Variants in CUL3 observed in about 807,000 individuals in gnomAD.
CUL3 encodes cullin 3.
In CUL3, 19 loss-of-function variants were observed where a neutral mutation model predicts 89.1. The ratio of observed to expected loss-of-function variants is 0.21; its 90% CI spans 0.15 to 0.31. The LOEUF (loss-of-function observed/expected upper bound fraction) is 0.31, where lower values mean the gene tolerates loss of function less well. Ranked by LOEUF, CUL3 falls within the 10% of genes least tolerant of loss-of-function variation. The pLI, the probability that CUL3 is intolerant of heterozygous loss-of-function variation, is 1.00. For synonymous variants in CUL3, 351 were observed against 308.4 expected (o/e 1.14, Z -1.45); for missense variants, 469 against 942.3 (o/e 0.50, Z 6.58).
chr2:224,488,869 T>C (rs1314562770), intron 13 of CUL3, among the ~76,000 whole-genome samples: 1 of 152,128 alleles, frequency 6.6e-6, no homozygotes, highest in African/African-American at 2.4e-5. Context: ...CTCAATAAAA[T>C]ACTGGCAAAC....
At chr2:224,501,962 A>G (rs1487643528) in intron 10 of CUL3, among the ~76,000 whole-genome samples, 2 of 152,234 alleles carry the variant, frequency 1.3e-5, no homozygotes, top group Non-Finnish European at 2.9e-5. Context: ...ATCTAAAAAT[A>G]AAAATCCAGG....
intron 14 of CUL3, chr2:224,479,337 A>C (rs1691444427): frequency 6.6e-6 from 1 of 152,074 alleles, no homozygotes; most frequent in Non-Finnish European, 1.5e-5. Flanking sequence ...CCCAAGTGTA[A>C]GATAATCAAT....
At chr2:224,516,750 G>C (rs2106228357) in intron 3 of CUL3, among the ~76,000 whole-genome samples, 1 of 146,758 alleles carries the variant, frequency 6.8e-6, no homozygotes, top group South Asian at 2.2e-4. Context: ...AGGTTCAAGT[G>C]ATTCTCCTGC....
chr2:224,497,580 A>T (rs1454988290), intron 12 of CUL3, among the ~76,000 whole-genome samples, 173 bp downstream of exon 12: 1 of 152,226 alleles, frequency 6.6e-6, no homozygotes. Flanking sequence ...AGGTGCAGTT[A>T]GCAACTGAGA....
chr2:224,583,513 A>G (rs551583998), intron 1 of CUL3, among the ~76,000 whole-genome samples: 1 of 152,370 alleles, frequency 6.6e-6, no homozygotes, highest in African/African-American at 2.4e-5. Context: ...AAAACATACT[A>G]GTAAGCTTCG....
At chr2:224,522,503 G>A (rs1693304322) in intron 3 of CUL3, among the ~76,000 whole-genome samples, 1 of 152,080 alleles carries the variant, frequency 6.6e-6, no homozygotes, top group Non-Finnish European at 1.5e-5. Context: ...ATATGATATG[G>A]TGTCAAAAAA....
chr2:224,522,070 TAAA>T (rs71062936), intron 3 of CUL3, among the ~76,000 whole-genome samples: 1 of 133,686 alleles, frequency 7.5e-6, no homozygotes, highest in African/African-American at 2.7e-5. Flanking sequence ...CATTTAAAAT[TAAA>T]AAAAAAAAAA....
intron 1 of CUL3, among the ~76,000 whole-genome samples, chr2:224,582,071 T>G (rs1409580689): frequency 6.6e-6 from 1 of 152,078 alleles, no homozygotes; most frequent in African/African-American, 2.4e-5. Flanking sequence ...TTCAAGCGAT[T>G]TTCCAGCCTT....
chr2:224,477,451 C>T (rs1014338877), intron 15 of CUL3, among the ~76,000 whole-genome samples: 1 of 152,242 alleles, frequency 6.6e-6, no homozygotes, highest in African/African-American at 2.4e-5. Flanking sequence ...ATTTAATCCA[C>T]ACCTGTAGTT....
In CUL3 at chr2:224,511,415, C is replaced by G. The variant is rs2106215155; in HGVS notation, c.822G>C (p.Lys274Asn). Residue 274 changes from lysine (K) to asparagine (N), a missense_variant, in exon 6 of 16, where the codon AAG (lysine) becomes AAC (asparagine). By Grantham distance (94) the Lys-to-Asn change is moderately conservative. This residue lies in a region of CUL3 where 370 missense variants were observed against 733.2 expected (regional missense o/e 0.50). Coordinates refer to ENST00000264414, the MANE Select transcript of CUL3 (RefSeq NM_003590.5). The part of the protein sequence containing the change: ...VERELISKHM[K>N]TIVEMENSGL... ...CAGAATTCTCCATTTCTACTATAGT[C>G]TTCATGTGCTTGGAAATGAGTTCCC... The G allele has an allele frequency of 6.2e-7, 1 of 1,613,868 alleles. No homozygotes were observed. Among genetic ancestry groups the G allele is most frequent in the Non-Finnish European group, 8.5e-7 (1 of 1,179,890 alleles).
At position 224,487,893 on chromosome 2, in the gene CUL3, C is replaced by CA. The variant is rs1236704861; in HGVS notation, c.1843-5816dup. On this transcript the variant is annotated intron_variant, in intron 13 of 15. Coordinates refer to ENST00000264414, the MANE Select transcript of CUL3 (RefSeq NM_003590.5). Reference sequence around the variant, plus strand: ...GCAAAAGAATGGAAATCGTAACAAACAGTCTCTCAGACCACAGTGGAATCA... The same window carrying CA: ...GCAAAAGAATGGAAATCGTAACAAACAAGTCTCTCAGACCACAGTGGAATCA... 2.0e-5 allele frequency among the ~76,000 whole-genome samples: 3 copies of CA among 152,204 alleles called. No individual in the cohort carries two copies. In the East Asian group the frequency reaches 5.8e-4, roughly 29 times the overall value.
rs1559337590 is a variant in CUL3 at position 224,481,903 on chromosome 2, T to C, written c.2018A>G (p.Lys673Arg). Residue 673 changes from lysine to arginine, a missense_variant, in exon 14 of 16, where the codon AAG (lysine) becomes AGG (arginine). Physicochemically the swap from Lys to Arg is conservative, Grantham distance 26. Transcript: ENST00000264414. Reference sequence around the variant, plus strand: ...ATAATTCCAGATACCTGTTTGAATCTTGACTCTGTGTAGTTTGGATGTGAA... The same window carrying C: ...ATAATTCCAGATACCTGTTTGAATCCTGACTCTGTGTAGTTTGGATGTGAA... Reference protein sequence around the residue: ...DQFTSKLHRVKIQTVAAKQGE... With the variant: ...DQFTSKLHRVRIQTVAAKQGE... The C allele has an allele frequency of 3.3e-6, 5 of 1,518,190 alleles. No homozygotes were observed. The highest frequency in any genetic ancestry group is 4.4e-6 in the Non-Finnish European group (5 of 1,133,520). The allele number at this position is 1,518,190 out of a possible 1,614,324, so 94.0% of individuals were successfully genotyped here. A position where few individuals can be genotyped will look rare whatever the true frequency, so the allele number is the denominator to read the frequency against.
chr2:224,475,586 C>G (rs1465518174), intron 15 of CUL3, among the ~76,000 whole-genome samples: 4 of 152,188 alleles, frequency 2.6e-5, no homozygotes, highest in Non-Finnish European at 4.4e-5. Context: ...CATTCTGCAA[C>G]TACAATTTAT....
intron 1 of CUL3, among the ~76,000 whole-genome samples, chr2:224,569,225 C>G (rs141060898): frequency 6.6e-6 from 1 of 152,082 alleles, no homozygotes; most frequent in Non-Finnish European, 1.5e-5. Context: ...GCAACTAATG[C>G]GTCAGCAAAA....
chr2:224,514,589 AAG>A (rs760655978), intron 4 of CUL3, 21 bp downstream of exon 4: 6 of 1,582,426 alleles, frequency 3.8e-6, no homozygotes, highest in Non-Finnish European at 5.2e-6. Flanking sequence ...CCAAAACCAC[AAG>A]AGTAAAGAGA....
At chr2:224,536,998 C>CT (rs1693924078) in intron 2 of CUL3, among the ~76,000 whole-genome samples, 1 of 152,116 alleles carries the variant, frequency 6.6e-6, no homozygotes, top group Non-Finnish European at 1.5e-5. Context: ...CTAAACAAAA[C>CT]TTTTTTATCT....
At chr2:224,478,436 A>G in intron 14 of CUL3, 91 bp from the exon 15 acceptor site, 3 of 1,284,620 alleles carry the variant, frequency 2.3e-6, no homozygotes, top group Non-Finnish European at 3.2e-6. Context: ...ATCCACAGAT[A>G]AAAACCAATT....
intron 14 of CUL3, chr2:224,479,882 G>C (rs1691469198): frequency 6.6e-6 from 1 of 152,150 alleles, no homozygotes; most frequent in Non-Finnish European, 1.5e-5. Flanking sequence ...TCTGGATGTG[G>C]TCACCTAAAT....
At chr2:224,538,271 T>A (rs1351782829) in intron 2 of CUL3, among the ~76,000 whole-genome samples, 1 of 152,190 alleles carries the variant, frequency 6.6e-6, no homozygotes, top group Non-Finnish European at 1.5e-5. Context: ...AACATTTCTG[T>A]AGAAAATTAG....
Sources: gnomAD v4.1 joint callset for allele counts (sites outside exome capture counted in the v4.1 genomes callset) on GRCh38, gnomAD v4.1.1 for gene constraint, gnomAD v4.1.1 regional missense constraint, MANE v1.5 for transcripts, NCBI Gene and HGNC (gene_info 2026-07-23, HGNC 2026-07-21) for gene names.